The following STK10 variants were observed in gnomAD, a reference collection of about 807,000 sequenced individuals.
STK10 encodes the protein serine/threonine kinase 10.
A neutral mutation model predicts 113.8 loss-of-function variants in STK10; 78 were observed. That is an observed-to-expected ratio of 0.69 (90% CI 0.57 to 0.83). The LOEUF is 0.83. Ranked by LOEUF, STK10 falls within the 40% of genes least tolerant of loss-of-function variation. STK10 has a pLI of 0.00. For missense variants in STK10, 1,109 were observed against 1,280.1 expected (o/e 0.87, Z 2.04); for synonymous variants, 465 against 494.7 (o/e 0.94, Z 0.80).
intron 18 of STK10, among the ~76,000 whole-genome samples, 159 bp from the exon 19 acceptor site, chr5:172,045,181 C>T (rs1767470938): frequency 2.0e-5 from 3 of 152,110 alleles, no homozygotes. Context: ...TACCCTAGAG[C>T]TCCTCCCACA....
chr5:172,045,261 A>G (rs1182647990), intron 18 of STK10, among the ~76,000 whole-genome samples: 1 of 152,098 alleles, frequency 6.6e-6, no homozygotes, highest in African/African-American at 2.4e-5. Flanking sequence ...CAGTTGGGGG[A>G]AATGTCAATC....
rs377684410 is a variant in STK10 at position 172,117,491 on chromosome 5, G to A, written c.510C>T (p.Asp170=). ...AGNVLMTLEG[D]IRLADFGVSA... ...CCCTGAGCCCCTTACCCAGCCTGAT[G>A]TCTCCCTCGAGGGTCATCAGCACGT... The change falls in exon 4 of 19, where the codon GAC becomes GAT. Residue 170 remains aspartate, a synonymous_variant. Coordinates refer to ENST00000176763, the MANE Select transcript of STK10 (RefSeq NM_005990.4). The A allele has an allele frequency of 1.5e-5, 24 of 1,611,232 alleles. No homozygotes were observed. The African/African-American group carries it at 2.5e-4, about 17-fold the overall frequency.
chr5:172,111,863 AAT>A, intron 4 of STK10, among the ~76,000 whole-genome samples: 1 of 152,364 alleles, frequency 6.6e-6, no homozygotes, highest in East Asian at 1.9e-4. Flanking sequence ...AATTTGCTAA[AAT>A]GCCTTTACTC....
In STK10 at chr5:172,044,921, G is replaced by A. The variant is rs116381923; in HGVS notation, c.2868C>T (p.Ala956=). ...ECPNPSTPSK[A]AKFFPYSSAD... is the part of the protein sequence containing the mutation. ...CAGAACTGTAGGGGAAGAACTTGGC[G>A]GCCTTGCTTGGGGTGGAGGGGTTTG... The change falls in exon 19 of 19, where the codon GCC becomes GCT. Residue 956 remains alanine (A), a synonymous_variant. Coordinates refer to ENST00000176763, the MANE Select transcript of STK10 (RefSeq NM_005990.4). This position sits in a 1 kb window ranked among gnomAD's most constrained non-coding sequence, Gnocchi z 4.5. 1.7e-4 allele frequency: 278 copies of A among 1,614,186 alleles called. No homozygotes were observed. In the East Asian group the frequency reaches 4.7e-3, roughly 28 times the overall value.
At chr5:172,137,418 T>C (rs1769885723) in intron 2 of STK10, among the ~76,000 whole-genome samples, 1 of 151,942 alleles carries the variant, frequency 6.6e-6, no homozygotes, top group Non-Finnish European at 1.5e-5. Flanking sequence ...AATCTATCAA[T>C]GTAATATACC....
At chr5:172,050,017 G>A (rs1767593359) in intron 18 of STK10, among the ~76,000 whole-genome samples, 1 of 152,154 alleles carries the variant, frequency 6.6e-6, no homozygotes, top group South Asian at 2.1e-4. Flanking sequence ...TGGCCAGGCT[G>A]GTCTCGAACT....
At chr5:172,166,458 C>T (rs1374629958) in intron 1 of STK10, among the ~76,000 whole-genome samples, 2 of 152,144 alleles carry the variant, frequency 1.3e-5, no homozygotes, top group Non-Finnish European at 2.9e-5. Flanking sequence ...CACCACACAA[C>T]ACGCGTGTAT....
Position 172,057,406 on chromosome 5 carries a change from C to T in STK10, c.2280G>A (p.Gln760=). 2.6e-6 allele frequency: 4 copies of T among 1,554,998 alleles called. No individual in the cohort carries two copies. Among genetic ancestry groups the T allele is most frequent in the Non-Finnish European group, 3.5e-6 (4 of 1,149,490 alleles). The change falls in exon 15 of 19, where the codon CAG becomes CAA. Residue 760 remains glutamine, a synonymous_variant. Coordinates refer to ENST00000176763, the MANE Select transcript of STK10 (RefSeq NM_005990.4). The part of the protein sequence containing the change: ...QLQERHQLVK[Q]QLKDQYFLQR... ...GGAGGAAGTACTGGTCTTTGAGCTG[C>T]TGCTTCACCAGCTGGTGCCTCTCCT...
intron 12 of STK10, among the ~76,000 whole-genome samples, chr5:172,078,941 A>G (rs928964124): frequency 1.4e-5 from 2 of 142,468 alleles, no homozygotes; most frequent in African/African-American, 5.6e-5. Context: ...TCCCACTCTT[A>G]TAAGTCCACA....
In STK10 at chr5:172,054,791, G is replaced by A. The variant is rs940801493; in HGVS notation, c.2527-97C>T. Reference sequence around the variant, plus strand: ...CCTGGCCCAGGGAGACCCCTCAGGGGGACTGGTCTGTGCACAGCCCCAGTA... The same window carrying A: ...CCTGGCCCAGGGAGACCCCTCAGGGAGACTGGTCTGTGCACAGCCCCAGTA... On this transcript the variant is annotated intron_variant, in intron 16 of 18. Coordinates refer to ENST00000176763, the MANE Select transcript of STK10 (RefSeq NM_005990.4). The A allele has an allele frequency of 2.6e-6, 4 of 1,542,372 alleles. No individual in the cohort carries two copies. The East Asian group carries it at 6.7e-5, about 26-fold the overall frequency.
intron 1 of STK10, among the ~76,000 whole-genome samples, chr5:172,160,195 C>T (rs1319765406): frequency 1.3e-5 from 2 of 151,400 alleles, no homozygotes; most frequent in Non-Finnish European, 2.9e-5. Context: ...GGCCCCTAGC[C>T]AGGTGCGGTG....
intron 4 of STK10, among the ~76,000 whole-genome samples, chr5:172,117,026 C>T (rs959467784): frequency 1.8e-4 from 27 of 152,136 alleles, no homozygotes; most frequent in African/African-American, 6.5e-4. Context: ...CACCTGTAAT[C>T]CCAGCATTTT....
At chr5:172,166,074 T>A (rs1337476573) in intron 1 of STK10, among the ~76,000 whole-genome samples, 6 of 152,250 alleles carry the variant, frequency 3.9e-5, no homozygotes, top group Non-Finnish European at 7.3e-5. Flanking sequence ...ATTACAGGCG[T>A]GAGCCACTGC....
chr5:172,118,653 G>A (rs1476913399), intron 3 of STK10, among the ~76,000 whole-genome samples: 1 of 151,978 alleles, frequency 6.6e-6, no homozygotes, highest in East Asian at 1.9e-4. Flanking sequence ...GCAGAGGCGG[G>A]GGGGATCACG....
chr5:172,093,865 T>C lies in STK10; in HGVS notation c.1101A>G (p.Ala367=). ...PLEESPSTPL[A]PSQSQDSVNE... ...TCACACTGTCCTGAGACTGGCTGGG[T>C]GCCAGCGGGGTGGAAGGTGACTCCT... The change falls in exon 9 of 19, where the codon GCA becomes GCG. Residue 367 remains alanine (A), a synonymous_variant. Transcript: ENST00000176763. The surrounding 1 kb of genome is among the most constrained non-coding windows in gnomAD (Gnocchi z 4.1). The C allele has an allele frequency of 6.3e-7, 1 of 1,577,102 alleles. No homozygotes were observed. Among genetic ancestry groups the C allele is most frequent in the Non-Finnish European group, 8.6e-7 (1 of 1,157,790 alleles).
intron 3 of STK10, among the ~76,000 whole-genome samples, chr5:172,121,443 A>T (rs1240569020): frequency 3.3e-5 from 5 of 152,190 alleles, no homozygotes; most frequent in East Asian, 3.9e-4. Flanking sequence ...AGGCTCATGC[A>T]ATCTTCCCAC....
chr5:172,141,862 C>T (rs556032962), intron 2 of STK10, among the ~76,000 whole-genome samples: 1 of 152,282 alleles, frequency 6.6e-6, no homozygotes, highest in East Asian at 1.9e-4. Flanking sequence ...TCCATGACCC[C>T]CATCAGTTTA....
At chr5:172,148,359 G>A (rs1191851836) in intron 2 of STK10, among the ~76,000 whole-genome samples, 1 of 152,176 alleles carries the variant, frequency 6.6e-6, no homozygotes, top group Non-Finnish European at 1.5e-5. Context: ...TAATGCAGGG[G>A]AAGGACAAGG....
rs1770980813 is a variant in STK10 at position 172,187,726 on chromosome 5, C to T, written c.156+161G>A. On this transcript the variant is annotated intron_variant, in intron 1 of 18. Transcript: ENST00000176763. This position sits in a 1 kb window ranked among gnomAD's most constrained non-coding sequence, Gnocchi z 4.6. Reference sequence around the variant, plus strand: ...GGACTCGGCCGGGCCGAGTGATGTTCCCCCCAAAAAACAAGAGTCATCGGG... The same window carrying T: ...GGACTCGGCCGGGCCGAGTGATGTTTCCCCCAAAAAACAAGAGTCATCGGG... Among the ~76,000 whole-genome samples the T allele has an allele frequency of 1.3e-5, 2 of 152,160 alleles. No homozygotes were observed. The highest frequency in any genetic ancestry group is 1.3e-4 in the Admixed American group (2 of 15,288).
Sources: allele counts gnomAD v4.1 joint callset (sites outside exome capture counted in the v4.1 genomes callset), GRCh38; gene constraint gnomAD v4.1.1; non-coding constraint Gnocchi (gnomAD v3.1); transcripts MANE v1.5; gene names NCBI Gene and HGNC (gene_info 2026-07-23, HGNC 2026-07-21).